The following MACO1 variants were observed in gnomAD, a reference collection of about 807,000 sequenced individuals.
MACO1 encodes the protein macoilin 1, also known as macoilin.
Under a neutral mutation model 78.7 loss-of-function variants are expected in MACO1, and 14 were observed. The ratio of observed to expected loss-of-function variants is 0.18; its 90% CI spans 0.12 to 0.28. MACO1 has a LOEUF of 0.28. Among genes scored for constraint, MACO1 ranks in the 10% least tolerant of loss-of-function variants. The pLI is 1.00. For synonymous variants in MACO1, 288 were observed against 291.6 expected (o/e 0.99, Z 0.12); for missense variants, 501 against 799.0 (o/e 0.63, Z 4.50).
At chr1:25,474,459 G>T (rs2124600099) in intron 6 of MACO1, among the ~76,000 whole-genome samples, 1 of 152,288 alleles carries the variant, frequency 6.6e-6, no homozygotes, top group East Asian at 1.9e-4. Flanking sequence ...GAACTAATCT[G>T]CCATATATTA....
Position 25,498,656 on chromosome 1 carries a change from T to A in MACO1, c.*190T>A. ...ACTGCCCATCAGTTTTTCTTGTAAA[T>A]TTTTAGAAGACCTCACAGAACTTTA... On this transcript the variant is annotated 3_prime_UTR_variant, in exon 11 of 11. Coordinates refer to ENST00000374343, the MANE Select transcript of MACO1 (RefSeq NM_018202.6). 1 of 519,578 alleles carries A rather than the reference T, an allele frequency of 1.9e-6. No individual in the cohort carries two copies. Among genetic ancestry groups the A allele is most frequent in the Non-Finnish European group, 3.3e-6 (1 of 306,180 alleles). 32.2% of individuals were successfully genotyped at this position (519,578 alleles called of 1,614,324 possible).
chr1:25,441,889 G>T (rs2042976146), intron 1 of MACO1, among the ~76,000 whole-genome samples: 1 of 152,224 alleles, frequency 6.6e-6, no homozygotes, highest in Non-Finnish European at 1.5e-5. Flanking sequence ...AATGTTCCCA[G>T]TTATGAGAAG....
Position 25,431,033 on chromosome 1 carries a change from GCGGCGGCGGCAGCTGAGGTGAGAGA to G in MACO1, c.-55_-31del. On this transcript the variant is annotated 5_prime_UTR_variant, in exon 1 of 11. Transcript: ENST00000374343. ...TCCAGGCCCGACGCGGGGCGGGCCA[GCGGCGGCGGCAGCTGAGGTGAGAGA>G]CGGCGGCGGCGGCGCGGGCACCCGG... 1 of 1,294,024 alleles carries G rather than the reference GCGGCGGCGGCAGCTGAGGTGAGAGA, an allele frequency of 7.7e-7. No individual in the cohort carries two copies. The highest frequency in any genetic ancestry group is 1.0e-6 in the Non-Finnish European group (1 of 968,162). The allele number at this position is 1,294,024 out of a possible 1,614,324, so 80.2% of individuals were successfully genotyped here. A position where few individuals can be genotyped will look rare whatever the true frequency, so the allele number is the denominator to read the frequency against.
intron 9 of MACO1, among the ~76,000 whole-genome samples, chr1:25,490,530 A>C (rs568671449): frequency 2.0e-5 from 3 of 152,328 alleles, no homozygotes; most frequent in Admixed American, 2.0e-4. Flanking sequence ...AAGGTCTTGC[A>C]CTTTTTAAGT....
chr1:25,497,892 ACTT>A (rs2043551949), intron 10 of MACO1, among the ~76,000 whole-genome samples: 1 of 152,190 alleles, frequency 6.6e-6, no homozygotes. Context: ...CTGGAAACTG[ACTT>A]CTTTACATCA....
At chr1:25,476,035 A>T (rs1011478450) in intron 6 of MACO1, among the ~76,000 whole-genome samples, 2 of 152,202 alleles carry the variant, frequency 1.3e-5, no homozygotes, top group African/African-American at 4.8e-5. Flanking sequence ...TTATTACAAC[A>T]GACAAGCTTT....
intron 6 of MACO1, among the ~76,000 whole-genome samples, 154 bp from the exon 7 acceptor site, chr1:25,483,962 C>T (rs753090393): frequency 3.8e-4 from 58 of 152,224 alleles, no homozygotes; most frequent in Non-Finnish European, 7.1e-4. Context: ...ACAAAATTAA[C>T]CCAGTTGCAG....
At chr1:25,490,480 A>G (rs2043475695) in intron 9 of MACO1, among the ~76,000 whole-genome samples, 2 of 152,256 alleles carry the variant, frequency 1.3e-5, no homozygotes, top group Admixed American at 1.3e-4. Context: ...GCAACAAAAT[A>G]GGCCTCATAC....
chr1:25,440,845 A>T (rs182461811), intron 1 of MACO1, among the ~76,000 whole-genome samples: 2 of 152,098 alleles, frequency 1.3e-5, no homozygotes, highest in African/African-American at 2.4e-5. Flanking sequence ...ACATTTTTGC[A>T]TAGCTCTTTA....
At chr1:25,444,712 G>A (rs1341962879) in intron 1 of MACO1, among the ~76,000 whole-genome samples, 1 of 151,804 alleles carries the variant, frequency 6.6e-6, no homozygotes, top group Non-Finnish European at 1.5e-5. Context: ...TCAGCCTTCT[G>A]AGTAGCTGGG....
At chr1:25,449,100 G>A (rs1389396519) in intron 3 of MACO1, among the ~76,000 whole-genome samples, 166 bp downstream of exon 3, 3 of 151,056 alleles carry the variant, frequency 2.0e-5, no homozygotes, top group African/African-American at 4.9e-5. Context: ...ATCTTTTTTC[G>A]TTATTTGAAT....
chr1:25,485,772 T>A lies in MACO1; in HGVS notation c.1473T>A (p.Ala491=), dbSNP rs375069766. 1.1e-4 allele frequency: 171 copies of A among 1,613,244 alleles called. No homozygotes were observed. The highest frequency in any genetic ancestry group is 1.3e-4 in the Non-Finnish European group (153 of 1,179,792). The change falls in exon 8 of 11, where the codon GCT becomes GCA. Residue 491 remains alanine (A), a synonymous_variant. Transcript: ENST00000374343. This position sits in a 1 kb window ranked among gnomAD's most constrained non-coding sequence, Gnocchi z 4.3. ...KKLEEATAAR[A]VAFAAASRGE... ...TAGAAGAAGCCACTGCTGCCCGGGC[T>A]GTTGCGTTTGCTGCTGCATCTAGGT... is the stretch of plus-strand genomic sequence containing the variant.
chr1:25,466,412 C>T (rs1202874663), intron 6 of MACO1, among the ~76,000 whole-genome samples: 2 of 152,200 alleles, frequency 1.3e-5, no homozygotes, highest in East Asian at 1.9e-4. Context: ...CTCCTGGGTT[C>T]AAGTGATTCT....
Position 25,499,459 on chromosome 1 carries a change from G to C in MACO1, c.*993G>C, listed in dbSNP as rs67125653. Reference sequence around the variant, plus strand: ...GTCTAGGTTTTTTTTTTTTTGTTTTGTTTTTTCATTTCATTTAACTGTGCT... The same window carrying C: ...GTCTAGGTTTTTTTTTTTTTGTTTTCTTTTTTCATTTCATTTAACTGTGCT... On this transcript the variant is annotated 3_prime_UTR_variant, in exon 11 of 11. Coordinates refer to ENST00000374343, the MANE Select transcript of MACO1 (RefSeq NM_018202.6). 2.0e-5 allele frequency: 3 copies of C among 147,770 alleles called. No individual in the cohort carries two copies. Among genetic ancestry groups the C allele is most frequent in the Non-Finnish European group, 4.5e-5 (3 of 66,948 alleles). 9.2% of individuals were successfully genotyped at this position (147,770 alleles called of 1,614,324 possible).
intron 6 of MACO1, among the ~76,000 whole-genome samples, chr1:25,464,777 C>T (rs1208799184): frequency 6.6e-6 from 1 of 151,808 alleles, no homozygotes; most frequent in Admixed American, 6.6e-5. Context: ...CTGTCTTAGC[C>T]TCCCAAGTAG....
chr1:25,472,357 C>T (rs1198347111), intron 6 of MACO1, among the ~76,000 whole-genome samples: 3 of 152,124 alleles, frequency 2.0e-5, no homozygotes, highest in Non-Finnish European at 2.9e-5. Flanking sequence ...AATGCTATCC[C>T]GCCCCTAGCC....
intron 6 of MACO1, among the ~76,000 whole-genome samples, chr1:25,460,405 TG>T (rs1466683766): frequency 2.0e-5 from 3 of 151,124 alleles, no homozygotes; most frequent in African/African-American, 4.9e-5. Flanking sequence ...CTCCTACACA[TG>T]TTTTTTTTTT....
At chr1:25,490,594 A>G (rs1292614641) in intron 9 of MACO1, among the ~76,000 whole-genome samples, 1 of 152,218 alleles carries the variant, frequency 6.6e-6, no homozygotes, top group African/African-American at 2.4e-5. Flanking sequence ...AATCTCACCA[A>G]TGAGTGATGT....
intron 10 of MACO1, among the ~76,000 whole-genome samples, chr1:25,492,657 G>GT (rs1557678062): frequency 1.3e-5 from 2 of 152,146 alleles, no homozygotes; most frequent in Non-Finnish European, 2.9e-5. Context: ...GGGTTTTACC[G>GT]TGAGTGCCAT....
Sources: allele counts gnomAD v4.1 joint callset (sites outside exome capture counted in the v4.1 genomes callset), GRCh38; gene constraint gnomAD v4.1.1; non-coding constraint Gnocchi (gnomAD v3.1); transcripts MANE v1.5; gene names NCBI Gene and HGNC (gene_info 2026-07-23, HGNC 2026-07-21).